DNAJC5B: variants seen among roughly 807,000 people sequenced by gnomAD.
DNAJC5B encodes DnaJ heat shock protein family (Hsp40) member C5 beta.
A neutral mutation model predicts 24.7 loss-of-function variants in DNAJC5B; 23 were observed. The ratio of observed to expected loss-of-function variants is 0.93; its 90% CI spans 0.67 to 1.32. The LOEUF is 1.32. Among genes scored for constraint, DNAJC5B ranks in the 40% most tolerant of loss-of-function variants. The pLI is 0.00. For missense variants in DNAJC5B, 238 were observed against 240.8 expected, an observed-to-expected ratio of 0.99 and a Z score of 0.08; for synonymous variants, 101 against 90.1, an observed-to-expected ratio of 1.12 and a Z score of -0.68.
chr8:66,017,542 C>T (rs536433274), upstream of DNAJC5B, among the ~76,000 whole-genome samples: 4 of 152,284 alleles, frequency 2.6e-5, 1 homozygote, highest in African/African-American at 9.6e-5. Flanking sequence ...TTTAGATGTA[C>T]TTTTTCAGAA....
chr8:66,015,554 T>TGA, the DNAJC5B span, among the ~76,000 whole-genome samples: 14 of 149,254 alleles, frequency 9.4e-5, no homozygotes, highest in East Asian at 4.0e-4. Flanking sequence ...GAGCGAGAAA[T>TGA]GAGAGAGAGA....
chr8:66,080,585 T>C (rs1489867873), intron 5 of DNAJC5B, 37 bp downstream of exon 5: 1 of 1,528,970 alleles, frequency 6.5e-7, no homozygotes, highest in Admixed American at 2.0e-5. Context: ...TGAGTGTCCA[T>C]TCATAGGCCT....
intron 1 of DNAJC5B, among the ~76,000 whole-genome samples, chr8:66,040,321 C>T (rs561583294): frequency 2.6e-5 from 4 of 151,612 alleles, no homozygotes; most frequent in Admixed American, 1.3e-4. Flanking sequence ...ACTCAGGAGG[C>T]GGAGGTTGCA....
At chr8:66,033,471 C>A (rs1283610945) in intron 1 of DNAJC5B, among the ~76,000 whole-genome samples, 1 of 152,212 alleles carries the variant, frequency 6.6e-6, no homozygotes, top group South Asian at 2.1e-4. Context: ...TACAGAGAAT[C>A]ATCTCATCCA....
chr8:66,048,362 C>T (rs912429566), intron 2 of DNAJC5B, among the ~76,000 whole-genome samples: 15 of 152,306 alleles, frequency 9.8e-5, no homozygotes, highest in East Asian at 5.8e-4. Context: ...TGTTCTCTGT[C>T]GCTACTTTCT....
At chr8:66,037,082 G>T (rs964895981) in intron 1 of DNAJC5B, among the ~76,000 whole-genome samples, 6 of 152,170 alleles carry the variant, frequency 3.9e-5, no homozygotes, top group African/African-American at 1.4e-4. Flanking sequence ...GCATCTGGAG[G>T]TGAGGCCTGG....
chr8:66,095,487 G>C (rs1423687254), intron 5 of DNAJC5B, among the ~76,000 whole-genome samples: 1 of 151,102 alleles, frequency 6.6e-6, no homozygotes, highest in Non-Finnish European at 1.5e-5. Context: ...TTTTGGTTTT[G>C]TTGATTGTTT....
At chr8:66,066,366 A>G (rs1807193091) in intron 3 of DNAJC5B, among the ~76,000 whole-genome samples, 1 of 152,148 alleles carries the variant, frequency 6.6e-6, no homozygotes, top group East Asian at 1.9e-4. Flanking sequence ...TGATCCAGCA[A>G]TCTCACTACT....
At chr8:66,028,852 A>C (rs985386405) in intron 1 of DNAJC5B, among the ~76,000 whole-genome samples, 3 of 152,184 alleles carry the variant, frequency 2.0e-5, no homozygotes, top group Non-Finnish European at 4.4e-5. Flanking sequence ...CCCAGTTTCA[A>C]GTTTTTCCCG....
intron 1 of DNAJC5B, among the ~76,000 whole-genome samples, chr8:66,042,483 C>A (rs1175434179): frequency 6.6e-6 from 1 of 152,114 alleles, no homozygotes; most frequent in Non-Finnish European, 1.5e-5. Flanking sequence ...ATAAGCTCAC[C>A]ATATTTACAT....
At chr8:66,018,378 C>T (rs910961833), upstream of DNAJC5B, among the ~76,000 whole-genome samples, 1 of 106,296 alleles carries the variant, frequency 9.4e-6, no homozygotes, top group Non-Finnish European at 1.7e-5. Flanking sequence ...ATTAGCTGGG[C>T]GTGGTGGGGG....
intron 1 of DNAJC5B, among the ~76,000 whole-genome samples, chr8:66,037,513 A>G (rs1031743784): frequency 2.6e-5 from 4 of 152,052 alleles, no homozygotes; most frequent in Non-Finnish European, 2.9e-5. Context: ...TCTAATCGTG[A>G]GTGTCTGGGC....
chr8:66,099,517 G>T (rs1451382176), intron 5 of DNAJC5B, among the ~76,000 whole-genome samples: 1 of 152,198 alleles, frequency 6.6e-6, no homozygotes, highest in Non-Finnish European at 1.5e-5. Context: ...ACTACATAAT[G>T]CCAGGGTGCA....
intron 5 of DNAJC5B, among the ~76,000 whole-genome samples, chr8:66,096,036 G>A (rs1490428341): frequency 1.3e-5 from 2 of 152,138 alleles, no homozygotes; most frequent in Non-Finnish European, 2.9e-5. Context: ...GTATATATTA[G>A]TTTGCTAAGG....
chr8:66,086,659 A>C (rs1000516759), intron 5 of DNAJC5B, among the ~76,000 whole-genome samples: 5 of 152,198 alleles, frequency 3.3e-5, no homozygotes, highest in Admixed American at 2.0e-4. Context: ...AATTAAGATG[A>C]GACAAGGTGG....
At chr8:66,015,233 C>CTAGCTG in the DNAJC5B span, among the ~76,000 whole-genome samples, 2 of 151,354 alleles carry the variant, frequency 1.3e-5, no homozygotes, top group Non-Finnish European at 1.5e-5. Context: ...AGTCTGTCTT[C>CTAGCTG]TAGCTGTAGC....
At chr8:66,044,478 C>T (rs1185118623) in intron 2 of DNAJC5B, among the ~76,000 whole-genome samples, 2 of 151,596 alleles carry the variant, frequency 1.3e-5, no homozygotes, top group South Asian at 2.1e-4. Flanking sequence ...TCTTTTGCTT[C>T]GAAATGAAGA....
intron 1 of DNAJC5B, among the ~76,000 whole-genome samples, chr8:66,037,954 T>C (rs1337165155): frequency 6.6e-6 from 1 of 152,222 alleles, no homozygotes; most frequent in African/African-American, 2.4e-5. Flanking sequence ...GGCCATGATC[T>C]GCTTGGTGCA....
chr8:66,093,117 C>A (rs1662906784), intron 5 of DNAJC5B, among the ~76,000 whole-genome samples: 1 of 152,112 alleles, frequency 6.6e-6, no homozygotes, highest in South Asian at 2.1e-4. Flanking sequence ...GGGAGAACAT[C>A]CCATAATTTA....
Sources: allele counts gnomAD v4.1 joint callset (sites outside exome capture counted in the v4.1 genomes callset), GRCh38; gene constraint gnomAD v4.1.1; transcripts MANE v1.5; gene names NCBI Gene and HGNC (gene_info 2026-07-23, HGNC 2026-07-21).